Variants in ESPNL observed in about 807,000 individuals in gnomAD.
ESPNL encodes espin like.
In ESPNL, 49 loss-of-function variants were observed where a neutral mutation model predicts 46.8. The ratio of observed to expected loss-of-function variants is 1.05; its 90% CI spans 0.83 to 1.33. ESPNL has a LOEUF of 1.33. Ranked by LOEUF, ESPNL falls within the 40% of genes most tolerant of loss-of-function variation. ESPNL has a pLI of 0.00. For synonymous variants in ESPNL, 664 were observed against 662.1 expected (o/e 1.00, Z -0.04); for missense variants, 1,540 against 1,436.6 (o/e 1.07, Z -1.16).
Position 238,130,273 on chromosome 2 carries a change from G to A in ESPNL, c.1559G>A (p.Arg520Gln), listed in dbSNP as rs769215356. ...AAGCAGATTGCAGACCTGCAGCTTC[G>A]GCGCCGCTGTCAGGAGTATGAGAGT... ...LEKQIADLQL[R>Q]RRCQEYESEL... is the part of the protein sequence containing the mutation. Residue 520 changes from arginine to glutamine, a missense_variant, in exon 9 of 9, where the codon CGG becomes CAG. Arg to Gln is a conservative substitution (Grantham distance 43, BLOSUM62 1). Transcript: ENST00000343063. The A allele has an allele frequency of 4.5e-5, 73 of 1,607,418 alleles. No individual in the cohort carries two copies. Among genetic ancestry groups the A allele is most frequent in the Middle Eastern group, 1.6e-4 (1 of 6,076 alleles).
chr2:238,115,573 A>G (rs1419209574), intron 4 of ESPNL, among the ~76,000 whole-genome samples: 2 of 152,246 alleles, frequency 1.3e-5, no homozygotes, highest in African/African-American at 4.8e-5. Flanking sequence ...GCCGCTCCAC[A>G]TGCATGCTGA....
rs202224715 is a variant in ESPNL, at chr2:238,100,477, C to T, written c.58C>T (p.Arg20Trp). Residue 20 changes from arginine to tryptophan, a missense_variant, in exon 1 of 9, where the codon CGG becomes TGG. Physicochemically the swap from Arg to Trp is moderately radical, Grantham distance 101 (BLOSUM62 -3). Coordinates refer to ENST00000343063, the MANE Select transcript of ESPNL (RefSeq NM_194312.4). ...GGATGGGGATGTGGCGACGTTGGAGCGGCTGCTGGAGGCTGGCGCCCTGGG... is the reference window on the plus strand; with the variant it reads ...GGATGGGGATGTGGCGACGTTGGAGTGGCTGCTGGAGGCTGGCGCCCTGGG... Reference protein sequence around the residue: ...AKDGDVATLERLLEAGALGPG... With the variant: ...AKDGDVATLEWLLEAGALGPG... 2.9e-4 allele frequency: 461 copies of T among 1,603,562 alleles called. 1 individual carries two copies. Among genetic ancestry groups the T allele is most frequent in the Non-Finnish European group, 3.0e-4 (350 of 1,177,330 alleles).
chr2:238,119,008 TGATGGAGGAGGGTG>T (rs1559263699), intron 5 of ESPNL, among the ~76,000 whole-genome samples: 1 of 39,546 alleles, frequency 2.5e-5, no homozygotes, highest in Non-Finnish European at 5.0e-5. Flanking sequence ...GGAAGAGGAT[TGATGGAGGAGGGTG>T]GATGGAGGAG....
intron 5 of ESPNL, among the ~76,000 whole-genome samples, chr2:238,121,520 C>T (rs1691986888): frequency 6.6e-6 from 1 of 152,254 alleles, no homozygotes; most frequent in Non-Finnish European, 1.5e-5. Context: ...ACCCCAGCCT[C>T]CCAAGTAGCT....
intron 4 of ESPNL, among the ~76,000 whole-genome samples, chr2:238,112,769 C>T (rs1019490904): frequency 1.3e-5 from 2 of 152,168 alleles, no homozygotes; most frequent in African/African-American, 4.8e-5. Context: ...TTCTTAATTT[C>T]CAAATACGAA....
In ESPNL at chr2:238,130,402, T is replaced by C. The variant is rs539511258; in HGVS notation, c.1688T>C (p.Val563Ala). 3 of 1,610,532 alleles carry C rather than the reference T, an allele frequency of 1.9e-6. No homozygotes were observed. In the African/African-American group the frequency reaches 4.0e-5, roughly 22 times the overall value. ...CTGCCCCGGGCGCCCGGACTGGAGG[T>C]TGAGGAGGCCTCAATCCCAGCGGCT... ...HFLPRAPGLE[V>A]EEASIPAAEP... The change falls in exon 9 of 9, where the codon GTT becomes GCT. Residue 563 changes from valine to alanine, a missense_variant. Physicochemically the swap from Val to Ala is moderately conservative, Grantham distance 64. Coordinates refer to ENST00000343063, the MANE Select transcript of ESPNL (RefSeq NM_194312.4).
At position 238,131,237 on chromosome 2, in the gene ESPNL, C is replaced by G. The variant is rs905923757; in HGVS notation, c.2523C>G (p.Pro841=). 6.4e-7 allele frequency: 1 copy of G among 1,562,748 alleles called. No individual in the cohort carries two copies. The highest frequency in any genetic ancestry group is 1.7e-4 in the Middle Eastern group (1 of 6,000). The part of the protein sequence containing the change: ...RGALSPEQFL[P]HVDGAPVPYS... ...CTTTGTCCCCCGAGCAGTTCCTGCC[C>G]CACGTGGACGGGGCTCCGGTGCCCT... Residue 841 remains proline, a synonymous_variant, in exon 9 of 9, where the codon CCC becomes CCG. Coordinates refer to ENST00000343063, the MANE Select transcript of ESPNL (RefSeq NM_194312.4).
At chr2:238,106,858 C>T (rs577483598) in intron 3 of ESPNL, among the ~76,000 whole-genome samples, 4 of 152,236 alleles carry the variant, frequency 2.6e-5, no homozygotes, top group South Asian at 4.1e-4. Context: ...AGGAGCCCCA[C>T]GGCAGCCCTG....
chr2:238,102,153 C>T, intron 2 of ESPNL, 22 bp downstream of exon 2: 4 of 1,511,882 alleles, frequency 2.6e-6, no homozygotes, highest in Non-Finnish European at 3.6e-6. Context: ...AAAGTCCCGC[C>T]TGGGGGGGCA....
In ESPNL at chr2:238,104,812, C is replaced by CTCCTGCCTGCA; in HGVS notation, c.642_643insTCCTGCCTGCA (p.Arg215SerfsTer45). 6.4e-7 allele frequency: 1 copy of CTCCTGCCTGCA among 1,552,134 alleles called. No individual in the cohort carries two copies. The highest frequency in any genetic ancestry group is 8.7e-7 in the Non-Finnish European group (1 of 1,150,698). ...TGAGCGCCCTGCACGCTGCCGCCGC[C>CTCCTGCCTGCA]CGTGGCCACTACTCCCTCGTCGTCT... On this transcript the variant is annotated frameshift_variant, in exon 3 of 9. Coordinates refer to ENST00000343063, the MANE Select transcript of ESPNL (RefSeq NM_194312.4). LOFTEE classifies it high-confidence loss of function.
intron 4 of ESPNL, among the ~76,000 whole-genome samples, chr2:238,110,576 G>A (rs55755341): frequency 8.7e-3 from 231 of 26,606 alleles, no homozygotes; most frequent in Non-Finnish European, 0.01. Flanking sequence ...CCCATTTAGG[G>A]TGCCATATGT....
chr2:238,109,658 T>G (rs1212568221), intron 4 of ESPNL, among the ~76,000 whole-genome samples: 1 of 152,254 alleles, frequency 6.6e-6, no homozygotes, highest in Non-Finnish European at 1.5e-5. Flanking sequence ...TGCCCAGCCT[T>G]TTCCTCCATT....
chr2:238,119,075 G>GA (rs200949112), intron 5 of ESPNL, among the ~76,000 whole-genome samples: 27 of 116,776 alleles, frequency 2.3e-4, no homozygotes, highest in East Asian at 2.7e-4. Context: ...GGATGGAAGA[G>GA]GGTGAATGGA....
chr2:238,119,125 T>G, intron 5 of ESPNL, among the ~76,000 whole-genome samples: 4 of 9,266 alleles, frequency 4.3e-4, no homozygotes, highest in African/African-American at 6.7e-4. Flanking sequence ...GAGAAGTGGA[T>G]GAAGGCCTTG....
intron 4 of ESPNL, among the ~76,000 whole-genome samples, chr2:238,110,190 T>A (rs61360434): frequency 7.4e-6 from 1 of 134,254 alleles, no homozygotes; most frequent in Admixed American, 7.1e-5. Context: ...GTGTCCCTTT[T>A]CTGTCCCAGG....
intron 5 of ESPNL, 41 bp downstream of exon 5, chr2:238,117,075 G>A (rs1323157800): frequency 5.7e-6 from 9 of 1,577,526 alleles, no homozygotes; most frequent in East Asian, 2.3e-5. Flanking sequence ...GGCATGGGGG[G>A]TGGGCCCAGA....
intron 8 of ESPNL, 191 bp downstream of exon 8, chr2:238,129,095 T>C: frequency 1.4e-6 from 2 of 1,422,544 alleles, no homozygotes; most frequent in Non-Finnish European, 9.2e-7. Flanking sequence ...GCAGAGCCCC[T>C]TCACCTGCTC....
intron 4 of ESPNL, among the ~76,000 whole-genome samples, chr2:238,111,942 C>G (rs908686230): frequency 2.6e-5 from 4 of 152,132 alleles, no homozygotes; most frequent in African/African-American, 9.6e-5. Flanking sequence ...GATTTTTGGC[C>G]TTATATTCTT....
chr2:238,121,282 G>T (rs1476333454), intron 5 of ESPNL, among the ~76,000 whole-genome samples: 2 of 152,228 alleles, frequency 1.3e-5, no homozygotes, highest in Non-Finnish European at 2.9e-5. Context: ...AACCCTCCAT[G>T]CTCGGGGAGC....
Sources: allele counts gnomAD v4.1 joint callset (sites outside exome capture counted in the v4.1 genomes callset), GRCh38; gene constraint gnomAD v4.1.1; transcripts MANE v1.5; gene names NCBI Gene and HGNC (gene_info 2026-07-23, HGNC 2026-07-21).